The following TBCA variants were observed in gnomAD, a reference collection of about 807,000 sequenced individuals.
TBCA encodes tubulin-specific chaperone A.
In TBCA, 6 loss-of-function variants were observed where a neutral mutation model predicts 15.8. The observed-to-expected ratio is 0.38, with a 90% CI of 0.21 to 0.75. The LOEUF is 0.75. Ranked by LOEUF, TBCA falls within the 30% of genes least tolerant of loss-of-function variation. TBCA has a pLI of 0.46. For missense variants in TBCA, 90 were observed against 131.2 expected, an observed-to-expected ratio of 0.69 and a Z score of 1.53; for synonymous variants, 32 against 42.3, an observed-to-expected ratio of 0.76 and a Z score of 0.94.
chr5:77,708,388 C>T (rs1746197805), intron 1 of TBCA, 41 bp from the exon 2 acceptor site: 1 of 1,222,456 alleles, frequency 8.2e-7, no homozygotes, highest in African/African-American at 1.5e-5. Flanking sequence ...TTAGCTTTCT[C>T]TCCAGACCAT....
intron 3 of TBCA, chr5:77,691,934 T>C (rs1745760257): frequency 1.0e-6 from 1 of 988,238 alleles, no homozygotes; most frequent in South Asian, 4.7e-5. Context: ...GCTTCTGATG[T>C]CACAACAGAG....
intron 1 of TBCA, among the ~76,000 whole-genome samples, chr5:77,708,857 C>T (rs1356764874): frequency 6.6e-6 from 1 of 152,058 alleles, no homozygotes; most frequent in Non-Finnish European, 1.5e-5. Flanking sequence ...GCATGAGCCA[C>T]CGTGCCTGGC....
Position 77,707,018 on chromosome 5 carries a change from G to T in TBCA, c.159+1224C>A, listed in dbSNP as rs59115184. On this transcript the variant is annotated intron_variant, in intron 2 of 3. Coordinates refer to ENST00000380377, the MANE Select transcript of TBCA (RefSeq NM_004607.3). ...GTTTTTTGTTTGGGAGAGTAGGTTG[G>T]AGTAGTGTGAAATCAAGATTTTAAT... Among the ~76,000 whole-genome samples, 1,241 of 152,194 alleles carry T rather than the reference G, an allele frequency of 8.2e-3. 83 individuals carry two copies. The East Asian group carries it at 0.17, about 21-fold the overall frequency.
chr5:77,766,012 A>ATT (rs1166208179), intron 1 of TBCA, among the ~76,000 whole-genome samples: 1 of 152,172 alleles, frequency 6.6e-6, no homozygotes, highest in Non-Finnish European at 1.5e-5. Flanking sequence ...ATAACTTAAC[A>ATT]ATGTACAAAT....
intron 1 of TBCA, among the ~76,000 whole-genome samples, chr5:77,714,764 C>A (rs1436553180): frequency 2.6e-5 from 4 of 152,066 alleles, no homozygotes; most frequent in African/African-American, 9.7e-5. Context: ...GACGGAGTTT[C>A]ACCGTGTTAG....
Position 77,691,216 on chromosome 5 carries a change from AT to A in TBCA, c.*201del, listed in dbSNP as rs1178159133. 11 of 526,346 alleles carry A rather than the reference AT, an allele frequency of 2.1e-5. No individual in the cohort carries two copies. The highest frequency in any genetic ancestry group is 3.6e-5 in the Non-Finnish European group (11 of 302,148). 32.6% of individuals were successfully genotyped at this position (526,346 alleles called of 1,614,324 possible). A position where few individuals can be genotyped will look rare whatever the true frequency, so the allele number is the denominator to read the frequency against. ...TTAATGATAAAAGGTTAATTTAAAA[AT>A]TTTGTAAAGTATAAAATAAACAATT... On this transcript the variant is annotated 3_prime_UTR_variant, in exon 4 of 4. Coordinates refer to ENST00000380377, the MANE Select transcript of TBCA (RefSeq NM_004607.3).
intron 1 of TBCA, among the ~76,000 whole-genome samples, chr5:77,737,987 T>C (rs1026435915): frequency 6.6e-6 from 1 of 152,238 alleles, no homozygotes; most frequent in African/African-American, 2.4e-5. Context: ...GTAAAGCCTT[T>C]GAACATTTCA....
At chr5:77,705,680 T>C (rs1746134139) in intron 2 of TBCA, 1 of 396,834 alleles carries the variant, frequency 2.5e-6, no homozygotes, top group African/African-American at 2.1e-5. Context: ...ATTTAAAAAT[T>C]GGCCAGGCAT....
chr5:77,740,246 GAAAC>G (rs1487863704), intron 1 of TBCA, among the ~76,000 whole-genome samples: 1 of 152,186 alleles, frequency 6.6e-6, no homozygotes, highest in Non-Finnish European at 1.5e-5. Context: ...AAGTTATACT[GAAAC>G]AACCGAATTT....
intron 1 of TBCA, among the ~76,000 whole-genome samples, chr5:77,720,712 T>A (rs1746511889): frequency 6.6e-6 from 1 of 150,872 alleles, no homozygotes; most frequent in Non-Finnish European, 1.5e-5. Context: ...AGACTCCATC[T>A]CAAAAAAATA....
chr5:77,755,560 C>T (rs986191403), intron 1 of TBCA, among the ~76,000 whole-genome samples: 2 of 151,446 alleles, frequency 1.3e-5, no homozygotes, highest in Admixed American at 6.6e-5. Flanking sequence ...GGGCACAGAG[C>T]GAGACTCCAT....
intron 1 of TBCA, among the ~76,000 whole-genome samples, chr5:77,740,696 A>C (rs1747011326): frequency 6.6e-6 from 1 of 152,228 alleles, no homozygotes; most frequent in South Asian, 2.1e-4. Context: ...TCTGGGCCAA[A>C]AACATAAATG....
At chr5:77,758,725 T>C (rs1747536552) in intron 1 of TBCA, among the ~76,000 whole-genome samples, 2 of 152,176 alleles carry the variant, frequency 1.3e-5, no homozygotes, top group African/African-American at 4.8e-5. Flanking sequence ...ATGCACAGTG[T>C]GTTTAGGAAG....
intron 1 of TBCA, among the ~76,000 whole-genome samples, chr5:77,771,565 CT>C (rs1193970528): frequency 6.6e-6 from 1 of 152,202 alleles, no homozygotes; most frequent in Non-Finnish European, 1.5e-5. Flanking sequence ...CCTAAAAATA[CT>C]GGCCCTGAAA....
At chr5:77,732,444 G>A (rs557152845) in intron 1 of TBCA, among the ~76,000 whole-genome samples, 16 of 151,512 alleles carry the variant, frequency 1.1e-4, no homozygotes, top group East Asian at 7.8e-4. Flanking sequence ...CCAGCTACTC[G>A]GGAGGCTGAG....
chr5:77,757,748 G>A (rs1747509634), intron 1 of TBCA, among the ~76,000 whole-genome samples: 1 of 152,186 alleles, frequency 6.6e-6, no homozygotes, highest in Non-Finnish European at 1.5e-5. Context: ...CAGTCAATTT[G>A]GAAAGTTTAT....
intron 1 of TBCA, among the ~76,000 whole-genome samples, chr5:77,737,514 G>C (rs1746938380): frequency 6.6e-6 from 1 of 152,104 alleles, no homozygotes; most frequent in South Asian, 2.1e-4. Flanking sequence ...CGTAATCTGG[G>C]TTCTAGTTCC....
chr5:77,736,986 TATATGTA>T (rs1746923854), intron 1 of TBCA, among the ~76,000 whole-genome samples: 1 of 152,194 alleles, frequency 6.6e-6, no homozygotes, highest in African/African-American at 2.4e-5. Flanking sequence ...ACTAAAGGCA[TATATGTA>T]TACATTGTTT....
intron 1 of TBCA, among the ~76,000 whole-genome samples, chr5:77,751,557 G>A (rs1747342565): frequency 1.3e-5 from 2 of 151,792 alleles, no homozygotes; most frequent in Non-Finnish European, 2.9e-5. Flanking sequence ...GGTGGGGGAG[G>A]GTTCCAATTT....
Sources: gnomAD v4.1 joint callset for allele counts (sites outside exome capture counted in the v4.1 genomes callset) on GRCh38, gnomAD v4.1.1 for gene constraint, MANE v1.5 for transcripts, NCBI Gene and HGNC (gene_info 2026-07-23, HGNC 2026-07-21) for gene names.